The following SEMA3A variants were observed in gnomAD, a reference collection of about 807,000 sequenced individuals.
SEMA3A encodes semaphorin 3A.
A neutral mutation model predicts 97.9 loss-of-function variants in SEMA3A; 29 were observed. The ratio of observed to expected loss-of-function variants is 0.30; its 90% CI spans 0.22 to 0.40. The LOEUF is 0.40. Ranked by LOEUF, SEMA3A falls within the 10% of genes least tolerant of loss-of-function variation. The probability of loss-of-function intolerance (pLI) is 1.00; values close to 1 mark genes in which losing one functional copy is unlikely to be tolerated. For missense variants in SEMA3A, 763 were observed against 951.3 expected, an observed-to-expected ratio of 0.80 and a Z score of 2.60; for synonymous variants, 321 against 323.7, an observed-to-expected ratio of 0.99 and a Z score of 0.09.
intron 1 of SEMA3A, among the ~76,000 whole-genome samples, chr7:84,387,883 T>C (rs1191607815): frequency 6.6e-6 from 1 of 152,192 alleles, no homozygotes; most frequent in Non-Finnish European, 1.5e-5. Context: ...ATCATTTTAA[T>C]GATACCATTA....
chr7:84,387,225 A>G (rs1311716275), intron 1 of SEMA3A, among the ~76,000 whole-genome samples: 1 of 152,138 alleles, frequency 6.6e-6, no homozygotes, highest in East Asian at 1.9e-4. Context: ...TGTATTAAGA[A>G]TACATTTTAG....
At chr7:84,318,751 G>C (rs985495945) in intron 2 of SEMA3A, among the ~76,000 whole-genome samples, 1 of 152,050 alleles carries the variant, frequency 6.6e-6, no homozygotes, top group Non-Finnish European at 1.5e-5. Flanking sequence ...CTTGTGACTT[G>C]GGTGATAATA....
chr7:84,147,290 T>G (rs1046788980), intron 1 of SEMA3A, among the ~76,000 whole-genome samples: 1 of 152,222 alleles, frequency 6.6e-6, no homozygotes, highest in South Asian at 2.1e-4. Flanking sequence ...GTTCTAATGC[T>G]GAGCAAAATG....
At position 84,343,448 on chromosome 7, in the gene SEMA3A, T is replaced by C. The variant is rs546624872; in HGVS notation, c.-169+28376A>G. 1.1e-4 allele frequency among the ~76,000 whole-genome samples: 16 copies of C among 152,332 alleles called. No individual in the cohort carries two copies. In the East Asian group the frequency reaches 3.1e-3, roughly 29 times the overall value. ...ATTGATTAAATTGCCTATGACTGCA[T>C]TAAATTGCATATAACTGAGCTAGGC... On this transcript the variant is annotated intron_variant, in intron 2 of 3. Coordinates refer to the SEMA3A transcript ENST00000424555.
intron 2 of SEMA3A, among the ~76,000 whole-genome samples, chr7:84,371,479 A>AAAT (rs1280077189): frequency 2.6e-5 from 4 of 151,884 alleles, no homozygotes; most frequent in Non-Finnish European, 5.9e-5. Context: ...AAAAGCATTT[A>AAAT]GGTCTTAATT....
chr7:84,291,513 G>T (rs564992430), intron 3 of SEMA3A, among the ~76,000 whole-genome samples: 1 of 151,992 alleles, frequency 6.6e-6, no homozygotes, highest in East Asian at 1.9e-4. Context: ...TCAGAAAAAT[G>T]TTAAAAATTA....
chr7:84,114,262 T>C (rs1265086092), intron 3 of SEMA3A, among the ~76,000 whole-genome samples: 1 of 152,182 alleles, frequency 6.6e-6, no homozygotes, highest in East Asian at 1.9e-4. Flanking sequence ...AAATTCTGGA[T>C]GGAGCAGTTA....
rs1009291024 is a variant in SEMA3A, at chr7:83,959,431, T to C, written c.*1940A>G. The C allele has an allele frequency of 2.6e-5, 4 of 152,208 alleles. No homozygotes were observed. The highest frequency in any genetic ancestry group is 6.6e-5 in the Admixed American group (1 of 15,266). The allele number at this position is 152,208 out of a possible 1,614,324, so 9.4% of individuals were successfully genotyped here. On this transcript the variant is annotated 3_prime_UTR_variant, in exon 17 of 17. Coordinates refer to ENST00000265362, the MANE Select transcript of SEMA3A (RefSeq NM_006080.3). ...GTACAGTGGTGTGTCCTTCAAATAA[T>C]TTAACAATTTGGCTTCCATGTGAGG...
intron 1 of SEMA3A, among the ~76,000 whole-genome samples, chr7:84,378,576 G>A (rs1487174790): frequency 1.3e-5 from 2 of 152,030 alleles, no homozygotes; most frequent in South Asian, 4.1e-4. Context: ...GGGGCAAGGG[G>A]ACGGATAGCA....
chr7:84,250,791 A>G (rs1007290187), intron 3 of SEMA3A, among the ~76,000 whole-genome samples: 1 of 152,338 alleles, frequency 6.6e-6, no homozygotes, highest in East Asian at 1.9e-4. Context: ...GGTTACCTCT[A>G]TCAATAGGTT....
intron 1 of SEMA3A, among the ~76,000 whole-genome samples, chr7:84,444,501 G>T (rs561076892): frequency 4.6e-5 from 7 of 151,808 alleles, no homozygotes; most frequent in Admixed American, 2.0e-4. Flanking sequence ...ATGAGCCATT[G>T]CTGTGGGCTT....
chr7:84,284,983 C>G (rs1799843993), intron 3 of SEMA3A, among the ~76,000 whole-genome samples: 1 of 152,068 alleles, frequency 6.6e-6, no homozygotes, highest in Admixed American at 6.6e-5. Flanking sequence ...ATGTGGACAC[C>G]AACAGGGAAA....
At position 84,302,735 on chromosome 7, in the gene SEMA3A, C is replaced by T. The variant is rs111600540; in HGVS notation, c.-83+4472G>A. 3.3e-5 allele frequency among the ~76,000 whole-genome samples: 5 copies of T among 152,140 alleles called. 1 individual carries two copies. Among genetic ancestry groups the T allele is most frequent in the African/African-American group, 1.2e-4 (5 of 41,524 alleles). ...GGAAACTATCAAAAGAGTCCCAAAA[C>T]AAATGAAAAAGAAAGTTTAGTAAAA... On this transcript the variant is annotated intron_variant, in intron 3 of 3. Transcript: ENST00000424555.
intron 1 of SEMA3A, among the ~76,000 whole-genome samples, chr7:84,372,957 T>C (rs752249182): frequency 6.6e-6 from 1 of 152,140 alleles, no homozygotes; most frequent in Non-Finnish European, 1.5e-5. Flanking sequence ...AATAGGATGA[T>C]GTAAAAGTGA....
At position 84,389,824 on chromosome 7, in the gene SEMA3A, G is replaced by A. The variant is rs147592732; in HGVS notation, c.-245-17924C>T. ...TAAAATTATACAGGACTAGAATGAA[G>A]GAGTGTTTACGTTTTAAACTGAACA... is the stretch of plus-strand genomic sequence containing the variant. On this transcript the variant is annotated intron_variant, in intron 1 of 3. Transcript: ENST00000424555. Among the ~76,000 whole-genome samples the A allele has an allele frequency of 2.9e-3, 437 of 152,144 alleles. 3 individuals are homozygous for A. Among genetic ancestry groups the A allele is most frequent in the Non-Finnish European group, 4.5e-3 (307 of 67,952 alleles).
intron 2 of SEMA3A, among the ~76,000 whole-genome samples, chr7:84,336,172 T>C (rs1307521449): frequency 1.3e-5 from 2 of 152,146 alleles, no homozygotes; most frequent in East Asian, 3.9e-4. Context: ...ACAATGACTA[T>C]AGAAACAAAC....
At chr7:84,234,674 T>C (rs2116364117) in intron 3 of SEMA3A, among the ~76,000 whole-genome samples, 1 of 152,202 alleles carries the variant, frequency 6.6e-6, no homozygotes, top group South Asian at 2.1e-4. Context: ...ACTTTTTCTA[T>C]TCTTATAAGT....
intron 1 of SEMA3A, among the ~76,000 whole-genome samples, chr7:84,166,625 C>A (rs1445897412): frequency 6.6e-6 from 1 of 151,458 alleles, no homozygotes; most frequent in Non-Finnish European, 1.5e-5. Context: ...GTAATCCCAG[C>A]CCTTTGGGAG....
intron 5 of SEMA3A, among the ~76,000 whole-genome samples, chr7:84,046,668 G>A (rs1029079169): frequency 6.6e-6 from 1 of 151,920 alleles, no homozygotes; most frequent in Admixed American, 6.6e-5. Flanking sequence ...TTTAGTGTAT[G>A]ACTACTTATC....
Sources: gnomAD v4.1 joint callset for allele counts (sites outside exome capture counted in the v4.1 genomes callset) on GRCh38, gnomAD v4.1.1 for gene constraint, MANE v1.5 for transcripts, NCBI Gene and HGNC (gene_info 2026-07-23, HGNC 2026-07-21) for gene names.